GLDC: variants seen among roughly 807,000 people sequenced by gnomAD.
The protein encoded by GLDC is glycine decarboxylase.
A neutral mutation model predicts 121.3 loss-of-function variants in GLDC; 104 were observed. The ratio of observed to expected loss-of-function variants is 0.86; its 90% CI spans 0.73 to 1.01. GLDC has a LOEUF of 1.01. Ranked by LOEUF, GLDC falls within the 50% of genes least tolerant of loss-of-function variation. GLDC has a pLI of 0.00. For missense variants in GLDC, 1,429 were observed against 1,306.6 expected, an observed-to-expected ratio of 1.09 and a Z score of -1.44; for synonymous variants, 546 against 480.6, an observed-to-expected ratio of 1.14 and a Z score of -1.78.
At chr9:6,549,006 C>T (rs1817453647) in intron 21 of GLDC, among the ~76,000 whole-genome samples, 1 of 152,164 alleles carries the variant, frequency 6.6e-6, no homozygotes, top group African/African-American at 2.4e-5. Flanking sequence ...CACATCTCAG[C>T]CCATTTTAAA....
At chr9:6,627,921 A>G (rs1819279764) in intron 2 of GLDC, among the ~76,000 whole-genome samples, 1 of 152,222 alleles carries the variant, frequency 6.6e-6, no homozygotes, top group South Asian at 2.1e-4. Context: ...CCAGATCTGC[A>G]GGAGAACAAA....
At chr9:6,581,716 A>T (rs1818173479) in intron 15 of GLDC, among the ~76,000 whole-genome samples, 1 of 152,186 alleles carries the variant, frequency 6.6e-6, no homozygotes. Flanking sequence ...ATGGACTAAG[A>T]GTGGATAAAG....
At chr9:6,634,548 C>CA (rs1819460196) in intron 2 of GLDC, among the ~76,000 whole-genome samples, 3 of 107,100 alleles carry the variant, frequency 2.8e-5, no homozygotes, top group Admixed American at 1.9e-4. Flanking sequence ...AACAAACAAA[C>CA]AAACAAAAAA....
chr9:6,539,606 A>C (rs1817212581), intron 22 of GLDC, among the ~76,000 whole-genome samples: 1 of 152,228 alleles, frequency 6.6e-6, no homozygotes, highest in Non-Finnish European at 1.5e-5. Flanking sequence ...GTGTCTTTCA[A>C]AATGCTTCAA....
chr9:6,553,233 C>T, intron 20 of GLDC, 135 bp downstream of exon 20: 1 of 777,424 alleles, frequency 1.3e-6, no homozygotes, highest in East Asian at 2.7e-5. Flanking sequence ...CCCAGGCCAT[C>T]AGCAATATTC....
rs532696010 is a variant in GLDC, at chr9:6,600,513, T to C, written c.1155+1596A>G. The stretch of plus-strand genomic sequence containing the variant: ...CCAACATGATGAAACCTGCCTCTAC[T>C]AAAAATACAAAAATTATCTGGGTGT... On this transcript the variant is annotated intron_variant, in intron 8 of 24. Coordinates refer to ENST00000321612, the MANE Select transcript of GLDC (RefSeq NM_000170.3). Among the ~76,000 whole-genome samples the C allele has an allele frequency of 2.0e-5, 3 of 151,934 alleles. No homozygotes were observed. The South Asian group carries it at 6.3e-4, about 32-fold the overall frequency.
At chr9:6,566,323 T>C (rs184935559) in intron 15 of GLDC, 111 of 152,342 alleles carry the variant, frequency 7.3e-4, no homozygotes, top group African/African-American at 2.6e-3. Flanking sequence ...TTTTCCCTTT[T>C]CTTTCCCCCT....
chr9:6,537,442 T>A (rs1817151941), intron 22 of GLDC, among the ~76,000 whole-genome samples: 1 of 152,208 alleles, frequency 6.6e-6, no homozygotes, highest in South Asian at 2.1e-4. Flanking sequence ...TACTTTAAAG[T>A]AACATCTGCA....
chr9:6,597,177 A>G (rs1334223371), intron 8 of GLDC, among the ~76,000 whole-genome samples: 1 of 152,234 alleles, frequency 6.6e-6, no homozygotes, highest in Admixed American at 6.5e-5. Context: ...AAATCCAGGG[A>G]GACAGAAAGT....
intron 1 of GLDC, 120 bp downstream of exon 1, chr9:6,645,125 C>T (rs1819714799): frequency 9.7e-7 from 1 of 1,033,376 alleles, no homozygotes; most frequent in Non-Finnish European, 1.4e-6. Flanking sequence ...CGGCCCGGGA[C>T]CCAGGGTGCG....
chr9:6,614,398 C>G (rs1437799747), intron 3 of GLDC, among the ~76,000 whole-genome samples: 1 of 151,456 alleles, frequency 6.6e-6, no homozygotes, highest in Non-Finnish European at 1.5e-5. Flanking sequence ...CCACGCCCAG[C>G]TAATTTTTAT....
chr9:6,543,817 G>C (rs1228236294), intron 21 of GLDC, among the ~76,000 whole-genome samples: 1 of 152,048 alleles, frequency 6.6e-6, no homozygotes, highest in East Asian at 1.9e-4. Flanking sequence ...CGTGTTAACA[G>C]AGTAGGTGTT....
At chr9:6,579,433 T>G (rs1275368343) in intron 15 of GLDC, among the ~76,000 whole-genome samples, 1 of 152,206 alleles carries the variant, frequency 6.6e-6, no homozygotes, top group Non-Finnish European at 1.5e-5. Context: ...CTGTATATTT[T>G]GGGTTTTTGT....
At chr9:6,536,513 G>A (rs1278973345) in intron 22 of GLDC, among the ~76,000 whole-genome samples, 1 of 152,042 alleles carries the variant, frequency 6.6e-6, no homozygotes, top group Non-Finnish European at 1.5e-5. Context: ...TGTTAAACTG[G>A]CTAAACATTC....
intron 17 of GLDC, 103 bp from the exon 18 acceptor site, chr9:6,556,405 C>CA: frequency 1.0e-6 from 1 of 964,680 alleles, no homozygotes; most frequent in Non-Finnish European, 1.7e-6. Flanking sequence ...GATGAAGTCT[C>CA]AGTCTTTACT....
rs578144217 is a variant in GLDC at position 6,576,097 on chromosome 9, C to T, written c.1851-10668G>A. On this transcript the variant is annotated intron_variant, in intron 15 of 24. Coordinates refer to ENST00000321612, the MANE Select transcript of GLDC (RefSeq NM_000170.3). Reference sequence around the variant, plus strand: ...AGGCAGACCAGTGAAGGCTTGGCTACATCAAGCAAAGTTATCTTGACAAAA... The same window carrying T: ...AGGCAGACCAGTGAAGGCTTGGCTATATCAAGCAAAGTTATCTTGACAAAA... 2.7e-4 allele frequency among the ~76,000 whole-genome samples: 41 copies of T among 152,318 alleles called. No individual in the cohort carries two copies. In the South Asian group the frequency reaches 8.5e-3, roughly 32 times the overall value.
intron 2 of GLDC, among the ~76,000 whole-genome samples, chr9:6,622,089 T>C (rs1819108165): frequency 6.6e-6 from 1 of 152,076 alleles, no homozygotes; most frequent in Non-Finnish European, 1.5e-5. Flanking sequence ...TATTGAACTC[T>C]ATCTGAATAT....
chr9:6,645,148 A>T, intron 1 of GLDC, 97 bp downstream of exon 1: 1 of 1,251,230 alleles, frequency 8.0e-7, no homozygotes. Flanking sequence ...GACCACGCGG[A>T]GCGCAGCAGA....
chr9:6,545,966 C>G (rs980429474), intron 21 of GLDC, among the ~76,000 whole-genome samples: 2 of 152,130 alleles, frequency 1.3e-5, no homozygotes, highest in Admixed American at 1.3e-4. Flanking sequence ...ACTTTATAAA[C>G]TAAATTTTTT....
Sources: gnomAD v4.1 joint callset for allele counts (sites outside exome capture counted in the v4.1 genomes callset) on GRCh38, gnomAD v4.1.1 for gene constraint, MANE v1.5 for transcripts, NCBI Gene and HGNC (gene_info 2026-07-23, HGNC 2026-07-21) for gene names.